NDRG4: variants seen among roughly 807,000 people sequenced by gnomAD.
NDRG4 encodes the protein NDRG family member 4.
NDRG4 carries 38 observed loss-of-function variants against 55.8 expected under a neutral mutation model. The ratio of observed to expected loss-of-function variants is 0.68; its 90% CI spans 0.53 to 0.89. NDRG4 has a LOEUF of 0.89. Ranked by LOEUF, NDRG4 falls within the 40% of genes least tolerant of loss-of-function variation. NDRG4 has a pLI of 0.00. For synonymous variants in NDRG4, 190 were observed against 182.7 expected (o/e 1.04, Z -0.32); for missense variants, 455 against 468.6 (o/e 0.97, Z 0.27).
rs2038238678 is a variant in NDRG4, at chr16:58,507,805, C to G, written c.621-3C>G. 1 of 1,613,536 alleles carries G rather than the reference C, an allele frequency of 6.2e-7. No individual in the cohort carries two copies. Among genetic ancestry groups the G allele is most frequent in the Non-Finnish European group, 8.5e-7 (1 of 1,179,934 alleles). ...TGCCTCTGCCCCTCCCCCTGCCCCA[C>G]AGCCGCAGAGACCTGGACATTAACC... On this transcript the variant is annotated splice_polypyrimidine_tract_variant and splice_region_variant and intron_variant, in intron 8 of 14. Transcript: ENST00000570248.
At chr16:58,515,124 C>A (rs1343112501), downstream of NDRG4, among the ~76,000 whole-genome samples, 1 of 152,220 alleles carries the variant, frequency 6.6e-6, no homozygotes, top group African/African-American at 2.4e-5. Context: ...CCATGGCCAT[C>A]GGCAACAAGG....
chr16:58,470,781 C>G (rs1261695011), intron 1 of NDRG4, among the ~76,000 whole-genome samples: 2 of 151,962 alleles, frequency 1.3e-5, no homozygotes, highest in Non-Finnish European at 2.9e-5. Context: ...TTGGTGCGTG[C>G]CTGTAATCCC....
intron 1 of NDRG4, among the ~76,000 whole-genome samples, chr16:58,468,652 A>G (rs1324522934): frequency 6.6e-6 from 1 of 152,086 alleles, no homozygotes. Context: ...ACCTGAGATT[A>G]GGAGGTTGCA....
intron 2 of NDRG4, among the ~76,000 whole-genome samples, chr16:58,491,778 A>G (rs2035816459): frequency 6.6e-6 from 1 of 151,872 alleles, no homozygotes; most frequent in African/African-American, 2.4e-5. Context: ...TTCACTTTTT[A>G]TTTATTTTTT....
chr16:58,484,377 A>G (rs1304785899), intron 1 of NDRG4, among the ~76,000 whole-genome samples: 1 of 152,166 alleles, frequency 6.6e-6, no homozygotes, highest in African/African-American at 2.4e-5. Flanking sequence ...CGTCTAAAAA[A>G]AAATTTATAT....
intron 8 of NDRG4, chr16:58,507,285 A>C: frequency 2.0e-6 from 1 of 503,708 alleles, no homozygotes; most frequent in Non-Finnish European, 3.6e-6. Flanking sequence ...TGTTAGTGAC[A>C]TCCCTGACTC....
At chr16:58,483,498 C>T (rs568876041) in intron 1 of NDRG4, among the ~76,000 whole-genome samples, 16 of 152,188 alleles carry the variant, frequency 1.1e-4, no homozygotes, top group African/African-American at 1.4e-4. Flanking sequence ...CCACACTCCC[C>T]GGTGCTCTTT....
intron 1 of NDRG4, among the ~76,000 whole-genome samples, chr16:58,470,224 A>T (rs542533726): frequency 2.0e-5 from 3 of 152,306 alleles, no homozygotes; most frequent in South Asian, 2.1e-4. Flanking sequence ...CTAATTTTTT[A>T]AAAAAACTAA....
At position 58,510,639 on chromosome 16, in the gene NDRG4, T is replaced by A; in HGVS notation, c.866-6T>A. On this transcript the variant is annotated splice_region_variant and splice_polypyrimidine_tract_variant and intron_variant, in intron 13 of 14. Coordinates refer to ENST00000570248, the MANE Select transcript of NDRG4 (RefSeq NM_001242835.2). ...GCCCCCTCTCCGGCTCTGTCTTCTC[T>A]CTTAGTTGCGTACTTGAAGGACCGA... 6.5e-7 allele frequency: 1 copy of A among 1,535,912 alleles called. No individual in the cohort carries two copies.
intron 2 of NDRG4, 106 bp downstream of exon 2, chr16:58,504,009 C>G (rs1428445971): frequency 1.3e-6 from 2 of 1,543,518 alleles, no homozygotes; most frequent in African/African-American, 1.4e-5. Flanking sequence ...CTCACACTCA[C>G]CTCTGTTGCC....
chr16:58,498,513 A>G (rs763476817), upstream of NDRG4, among the ~76,000 whole-genome samples: 8 of 152,214 alleles, frequency 5.3e-5, no homozygotes, highest in Non-Finnish European at 1.0e-4. Context: ...GGCCATCAGC[A>G]TGGGCTGGGG....
chr16:58,485,904 G>A (rs2035032547), intron 1 of NDRG4, among the ~76,000 whole-genome samples: 1 of 151,968 alleles, frequency 6.6e-6, no homozygotes, highest in Non-Finnish European at 1.5e-5. Context: ...GTTATAAATG[G>A]CACTGTGGTA....
At chr16:58,509,789 G>A (rs903971821) in intron 13 of NDRG4, among the ~76,000 whole-genome samples, 12 of 152,212 alleles carry the variant, frequency 7.9e-5, no homozygotes, top group African/African-American at 2.7e-4. Context: ...ACTCATGGCT[G>A]CACCCAGGGG....
upstream of NDRG4, among the ~76,000 whole-genome samples, chr16:58,498,766 C>G (rs1318381922): frequency 1.3e-5 from 2 of 152,158 alleles, no homozygotes; most frequent in Non-Finnish European, 1.5e-5. Flanking sequence ...GTGTGCCTCT[C>G]CAAACTGTTG....
At position 58,472,583 on chromosome 16, in the gene NDRG4, G is replaced by A. The variant is rs150655317; in HGVS notation, c.-24+8786G>A. On this transcript the variant is annotated intron_variant, in intron 1 of 15. Transcript: ENST00000258187. ...CAGGAGAGAATAACTTAGAAGTTAC[G>A]TTAGGTCTCTTGGGTGCAAGTGACA... is the stretch of plus-strand genomic sequence containing the variant. 4.2e-3 allele frequency among the ~76,000 whole-genome samples: 636 copies of A among 152,272 alleles called. 4 individuals carry two copies. The highest frequency in any genetic ancestry group is 0.015 in the African/African-American group (605 of 41,542).
chr16:58,487,611 C>G (rs1388482348), intron 1 of NDRG4: 10 of 555,254 alleles, frequency 1.8e-5, no homozygotes, highest in Non-Finnish European at 3.1e-5. Flanking sequence ...CCTGGGGGCC[C>G]TAAGTGCCTG....
At chr16:58,480,523 G>A (rs2034264919) in intron 1 of NDRG4, among the ~76,000 whole-genome samples, 1 of 152,218 alleles carries the variant, frequency 6.6e-6, no homozygotes, top group South Asian at 2.1e-4. Context: ...CCACCTTGGT[G>A]GTGTGCATTT....
intron 5 of NDRG4, among the ~76,000 whole-genome samples, chr16:58,504,939 CA>C (rs1179856370): frequency 3.9e-5 from 6 of 152,212 alleles, no homozygotes; most frequent in African/African-American, 1.4e-4. Context: ...ACAAACTATA[CA>C]ACTAACTGCT....
chr16:58,506,861 C>T (rs749764994), intron 7 of NDRG4, 51 bp from the exon 8 acceptor site: 21 of 1,524,994 alleles, frequency 1.4e-5, no homozygotes, highest in African/African-American at 1.4e-4. Context: ...TCTAAGCCTG[C>T]GTCCCTCTGT....
Sources: gnomAD v4.1 joint callset for allele counts (sites outside exome capture counted in the v4.1 genomes callset) on GRCh38, gnomAD v4.1.1 for gene constraint, MANE v1.5 for transcripts, NCBI Gene and HGNC (gene_info 2026-07-23, HGNC 2026-07-21) for gene names.